Variants in UPP2 observed in about 807,000 individuals in gnomAD.
UPP2 encodes the protein uridine phosphorylase 2.
In UPP2, 23 loss-of-function variants were observed where a neutral mutation model predicts 26.7. The observed-to-expected ratio is 0.86, with a 90% confidence interval of 0.62 to 1.22. The LOEUF is 1.22. UPP2 is among the 50% of genes most tolerant of loss of function. UPP2 has a pLI of 0.00. For synonymous variants in UPP2, 127 were observed against 141.3 expected (o/e 0.90, Z 0.72); for missense variants, 387 against 396.7 (o/e 0.98, Z 0.21).
intron 3 of UPP2, among the ~76,000 whole-genome samples, chr2:158,021,725 G>A (rs1683754510): frequency 6.6e-6 from 1 of 152,130 alleles, no homozygotes; most frequent in Admixed American, 6.5e-5. Context: ...TTAGAAAATG[G>A]CTTTTTCACC....
In UPP2 at chr2:158,024,221, A is replaced by G. The variant is rs147910701; in HGVS notation, c.147+8335A>G. Among the ~76,000 whole-genome samples, 65 of 152,244 alleles carry G rather than the reference A, an allele frequency of 4.3e-4. No individual in the cohort carries two copies. In the East Asian group the frequency reaches 0.011, roughly 27 times the overall value. On this transcript the variant is annotated intron_variant, in intron 3 of 9. Coordinates refer to the UPP2 transcript ENST00000605860. ...TGGGACTTAGAGCATATAAGGTTTGAGGAAGACAAAGACCTGGGCTTCCTG... is the reference window on the plus strand; with the variant it reads ...TGGGACTTAGAGCATATAAGGTTTGGGGAAGACAAAGACCTGGGCTTCCTG...
At chr2:158,056,754 G>GACTGCATCCCAACTTAACTAGTTAC (rs1682251958) in intron 3 of UPP2, among the ~76,000 whole-genome samples, 1 of 152,178 alleles carries the variant, frequency 6.6e-6, no homozygotes, top group Non-Finnish European at 1.5e-5. Flanking sequence ...ACCCTATCTA[G>GACTGCATCCCAACTTAACTAGTTAC]ACTGCATCCC....
Position 158,011,605 on chromosome 2 carries a change from C to T in UPP2, c.62-4196C>T, listed in dbSNP as rs114178208. On this transcript the variant is annotated intron_variant, in intron 2 of 9. Transcript: ENST00000605860. ...TTGTCCACCACTGAAGGGAACCAAT[C>T]ACTGTGGAGGAGGATGTAGGGTCAT... Among the ~76,000 whole-genome samples, 523 of 149,778 alleles carry T rather than the reference C, an allele frequency of 3.5e-3. 3 individuals are homozygous for T. Among genetic ancestry groups the T allele is most frequent in the African/African-American group, 0.012 (502 of 40,816 alleles).
chr2:158,032,926 C>T (rs1176250489), intron 3 of UPP2, among the ~76,000 whole-genome samples: 1 of 152,140 alleles, frequency 6.6e-6, no homozygotes, highest in Admixed American at 6.5e-5. Context: ...TTTTCCTGAC[C>T]TCTTTCATCT....
At chr2:158,125,442 G>A (rs1010072644) in intron 6 of UPP2, among the ~76,000 whole-genome samples, 2 of 148,226 alleles carry the variant, frequency 1.3e-5, no homozygotes, top group African/African-American at 5.1e-5. Context: ...TTTTGAGACA[G>A]AGTCTCCCTC....
intron 3 of UPP2, among the ~76,000 whole-genome samples, chr2:158,018,520 C>G (rs1340486210): frequency 6.6e-6 from 1 of 152,198 alleles, no homozygotes; most frequent in East Asian, 1.9e-4. Flanking sequence ...AGGGCAGGGT[C>G]GACCAAGTGG....
At chr2:158,112,467 A>G (rs10174277) in intron 2 of UPP2, among the ~76,000 whole-genome samples, 70,634 of 151,934 alleles carry the variant, frequency 0.46, 17,273 homozygotes, top group Non-Finnish European at 0.53. Context: ...AATGGATGAA[A>G]GACCTAAATG....
chr2:158,058,418 C>CGTGTGTGTGTGTGTGTGTGTGT (rs1558917364), intron 3 of UPP2, among the ~76,000 whole-genome samples: 1 of 21,428 alleles, frequency 4.7e-5, no homozygotes, highest in African/African-American at 4.8e-4. Context: ...CTCCCCCCAA[C>CGTGTGTGTGTGTGTGTGTGTGT]CTGTGTGTGT....
At chr2:158,073,854 AAAAG>A (rs1220589086) in intron 3 of UPP2, among the ~76,000 whole-genome samples, 9 of 152,190 alleles carry the variant, frequency 5.9e-5, no homozygotes, top group African/African-American at 2.2e-4. Context: ...CTTCAAACTG[AAAAG>A]AAAGATGCCA....
chr2:158,093,213 G>A (rs1219954135), intron 3 of UPP2, among the ~76,000 whole-genome samples: 4 of 151,602 alleles, frequency 2.6e-5, no homozygotes, highest in Non-Finnish European at 4.4e-5. Context: ...GAGCCATTGC[G>A]CCCAGCACAG....
At chr2:158,047,382 C>T (rs1558913850) in intron 3 of UPP2, among the ~76,000 whole-genome samples, 1 of 152,224 alleles carries the variant, frequency 6.6e-6, no homozygotes, top group Admixed American at 6.5e-5. Context: ...GAGGTGGCTA[C>T]TGGTTTACTT....
chr2:158,042,764 G>A (rs1684098729), intron 3 of UPP2, among the ~76,000 whole-genome samples: 1 of 152,146 alleles, frequency 6.6e-6, no homozygotes, highest in African/African-American at 2.4e-5. Context: ...GAGGACACTG[G>A]GTGGCAGAGG....
At chr2:158,029,712 T>C (rs1250972007) in intron 3 of UPP2, among the ~76,000 whole-genome samples, 1 of 151,964 alleles carries the variant, frequency 6.6e-6, no homozygotes, top group Non-Finnish European at 1.5e-5. Context: ...GAGGGAGACA[T>C]AGACATAAAA....
At chr2:158,063,438 A>T (rs1489255256) in intron 3 of UPP2, among the ~76,000 whole-genome samples, 2 of 152,194 alleles carry the variant, frequency 1.3e-5, no homozygotes, top group African/African-American at 4.8e-5. Flanking sequence ...TTGATGTCTG[A>T]AAAACCAGGA....
chr2:158,029,880 G>C (rs1374389895), intron 3 of UPP2, among the ~76,000 whole-genome samples: 3 of 150,044 alleles, frequency 2.0e-5, no homozygotes, highest in African/African-American at 7.4e-5. Flanking sequence ...CAGTTTTATA[G>C]AGAACATCTT....
At chr2:158,124,319 T>C (rs755291587) in intron 6 of UPP2, among the ~76,000 whole-genome samples, 3 of 152,140 alleles carry the variant, frequency 2.0e-5, no homozygotes, top group Non-Finnish European at 4.4e-5. Context: ...GGAAGAGCAT[T>C]CTGTTCAATG....
At chr2:158,123,347 G>A (rs1683614112) in intron 5 of UPP2, among the ~76,000 whole-genome samples, 2 of 115,202 alleles carry the variant, frequency 1.7e-5, no homozygotes, top group African/African-American at 3.3e-5. Flanking sequence ...TAGCATCATC[G>A]AAACCTCTTT....
intron 3 of UPP2, chr2:158,065,822 T>C (rs1682425621): frequency 2.9e-6 from 2 of 692,308 alleles, no homozygotes; most frequent in East Asian, 2.6e-5. Context: ...TTAAGTTTCA[T>C]AAAGAACCTC....
At chr2:158,071,347 A>T (rs7567537) in intron 3 of UPP2, among the ~76,000 whole-genome samples, 90,033 of 151,088 alleles carry the variant, frequency 0.6, 28,026 homozygotes, top group African/African-American at 0.72. Context: ...GGTCAGGAGT[A>T]CAAGACCAGC....
Sources: gnomAD v4.1 joint callset for allele counts (sites outside exome capture counted in the v4.1 genomes callset) on GRCh38, gnomAD v4.1.1 for gene constraint, MANE v1.5 for transcripts, NCBI Gene and HGNC (gene_info 2026-07-23, HGNC 2026-07-21) for gene names.